Variants in PRKCB observed in about 807,000 individuals in gnomAD.
The protein encoded by PRKCB is protein kinase C beta, also known as protein kinase C beta type.
In PRKCB, 13 loss-of-function variants were observed where a neutral mutation model predicts 81.5. The ratio of observed to expected loss-of-function variants is 0.16; its 90% CI spans 0.10 to 0.25. The LOEUF is 0.25. PRKCB is among the 10% of genes least tolerant of loss of function. The pLI is 1.00. For missense variants in PRKCB, 509 were observed against 875.7 expected (o/e 0.58, Z 5.29); for synonymous variants, 335 against 321.4 (o/e 1.04, Z -0.45).
intron 10 of PRKCB, among the ~76,000 whole-genome samples, chr16:24,167,490 G>A (rs1399229123): frequency 6.6e-6 from 1 of 151,964 alleles, no homozygotes; most frequent in Non-Finnish European, 1.5e-5. Context: ...AGCCTGGGAG[G>A]TTGAGGCTGC....
At chr16:24,126,264 G>A (rs371485795) in intron 9 of PRKCB, among the ~76,000 whole-genome samples, 66 of 152,248 alleles carry the variant, frequency 4.3e-4, no homozygotes, top group South Asian at 2.7e-3. Flanking sequence ...GTCAAGATAC[G>A]TAAAATGTTA....
chr16:23,909,147 C>T (rs1298027092), intron 2 of PRKCB, among the ~76,000 whole-genome samples: 1 of 152,204 alleles, frequency 6.6e-6, no homozygotes, highest in Non-Finnish European at 1.5e-5. Flanking sequence ...GATTCGCTTC[C>T]TTGTTAGTAG....
chr16:23,960,913 A>G (rs530533282), intron 2 of PRKCB, among the ~76,000 whole-genome samples: 2 of 152,352 alleles, frequency 1.3e-5, no homozygotes, highest in South Asian at 2.1e-4. Flanking sequence ...ATTTGTCTTT[A>G]TCCTCCTTGT....
At chr16:24,147,316 A>AAAAC (rs1967007776) in intron 9 of PRKCB, among the ~76,000 whole-genome samples, 1 of 151,754 alleles carries the variant, frequency 6.6e-6, no homozygotes, top group African/African-American at 2.4e-5. Context: ...CAAAAAAAAA[A>AAAAC]AAAAAACTTC....
At chr16:24,146,054 G>T (rs557489829) in intron 9 of PRKCB, among the ~76,000 whole-genome samples, 1 of 152,296 alleles carries the variant, frequency 6.6e-6, no homozygotes, top group East Asian at 1.9e-4. Flanking sequence ...ACACAGGGAA[G>T]AATACCAGGG....
rs113583407 is a variant in PRKCB at position 24,202,069 on chromosome 16, G to A, written c.1863+10839G>A. Among the ~76,000 whole-genome samples, 1,278 of 151,680 alleles carry A rather than the reference G, an allele frequency of 8.4e-3. 24 individuals are homozygous for A. The highest frequency in any genetic ancestry group is 0.029 in the African/African-American group (1,217 of 41,374). On this transcript the variant is annotated intron_variant, in intron 16 of 16. Transcript: ENST00000643927. ...AAAAAAAGAAAAAAAGAAAAATAAA[G>A]CCACTGTCACTAGAAGAAAAGACAA...
In PRKCB at chr16:24,214,805, G is replaced by T; in HGVS notation, c.2011G>T (p.Val671Phe). ...TAACTCTGAATTTTTAAAACCCGAA[G>T]TCAAGAGCTAAGTAGATGTGTAGAT... ...FVNSEFLKPE[V>F]KS The change falls in exon 17 of 17, where the codon GTC (valine) becomes TTC (phenylalanine). Residue 671 changes from valine (V) to phenylalanine (F), a missense_variant. By Grantham distance (50) the Val-to-Phe change is conservative (BLOSUM62 -1). Coordinates refer to ENST00000643927, the MANE Select transcript of PRKCB (RefSeq NM_002738.7). 1 of 1,614,044 alleles carries T rather than the reference G, an allele frequency of 6.2e-7. No individual in the cohort carries two copies. The highest frequency in any genetic ancestry group is 2.2e-5 in the East Asian group (1 of 44,886).
chr16:24,090,854 G>A (rs1966367796), intron 5 of PRKCB, among the ~76,000 whole-genome samples: 1 of 152,142 alleles, frequency 6.6e-6, no homozygotes, highest in South Asian at 2.1e-4. Flanking sequence ...AGCAAAGGTT[G>A]CAGGAAATGA....
chr16:23,836,613 C>T (rs1046621050), intron 1 of PRKCB, among the ~76,000 whole-genome samples: 2 of 151,756 alleles, frequency 1.3e-5, no homozygotes, highest in African/African-American at 4.8e-5. Flanking sequence ...CGCCCAGGGG[C>T]GGCGTCGCGG....
intron 3 of PRKCB, among the ~76,000 whole-genome samples, chr16:24,026,330 A>G (rs956511823): frequency 6.6e-6 from 1 of 152,086 alleles, no homozygotes; most frequent in African/African-American, 2.4e-5. Context: ...CAAACACAGA[A>G]ATGTGTTTCC....
At chr16:23,994,389 C>A (rs963864357) in intron 3 of PRKCB, among the ~76,000 whole-genome samples, 3 of 152,230 alleles carry the variant, frequency 2.0e-5, no homozygotes, top group Non-Finnish European at 2.9e-5. Flanking sequence ...AATCCCCATA[C>A]TGGTTCTTTG....
At chr16:24,062,228 G>T (rs931385626) in intron 5 of PRKCB, among the ~76,000 whole-genome samples, 1 of 152,210 alleles carries the variant, frequency 6.6e-6, no homozygotes, top group East Asian at 1.9e-4. Flanking sequence ...CTTGTCTGGG[G>T]CTGGAGGGTC....
chr16:23,873,963 T>C (rs1476852049), intron 2 of PRKCB, among the ~76,000 whole-genome samples: 2 of 152,146 alleles, frequency 1.3e-5, no homozygotes, highest in Non-Finnish European at 2.9e-5. Flanking sequence ...TGTAAATCAC[T>C]CGGTCACTTC....
rs1460891920 is a variant in PRKCB, at chr16:24,096,662, AAAAAATATAT to A, written c.821+2367_821+2376del. On this transcript the variant is annotated intron_variant, in intron 7 of 16. Coordinates refer to ENST00000643927, the MANE Select transcript of PRKCB (RefSeq NM_002738.7). ...GCTCCCTTCCTATGGCAAAAAAAAA[AAAAAATATAT>A]ATATATATATATATATATATATATA... Among the ~76,000 whole-genome samples the A allele has an allele frequency of 1.6e-3, 65 of 40,444 alleles. 1 individual carries two copies. Among genetic ancestry groups the A allele is most frequent in the South Asian group, 4.5e-3 (4 of 890 alleles). The allele number at this position is 40,444 out of a possible 152,430, so 26.5% of individuals were successfully genotyped here.
chr16:23,875,480 G>GATATATATATATATATATAT (rs71381624), intron 2 of PRKCB, among the ~76,000 whole-genome samples: 90 of 4,584 alleles, frequency 0.02, 1 homozygote, highest in African/African-American at 0.035. Context: ...CAACTAAAAA[G>GATATATATATATATATATAT]ATATATATAT....
chr16:24,004,750 A>G (rs752853445), intron 3 of PRKCB, among the ~76,000 whole-genome samples: 4 of 152,206 alleles, frequency 2.6e-5, no homozygotes, highest in Non-Finnish European at 5.9e-5. Context: ...TATGTTTTCT[A>G]AAGAGCAAAT....
At chr16:24,113,093 TTC>T (rs770586011) in intron 8 of PRKCB, 24 bp downstream of exon 8, 2 of 1,567,108 alleles carry the variant, frequency 1.3e-6, no homozygotes, top group Non-Finnish European at 1.7e-6. Context: ...TCTTTTTCTC[TTC>T]TTTCTTTTTT....
At chr16:24,171,336 C>T (rs182576792) in intron 10 of PRKCB, among the ~76,000 whole-genome samples, 1 of 152,198 alleles carries the variant, frequency 6.6e-6, no homozygotes, top group African/African-American at 2.4e-5. Flanking sequence ...TCCCATAGTA[C>T]TGCTTGAGCA....
intron 2 of PRKCB, among the ~76,000 whole-genome samples, chr16:23,874,071 T>C (rs1962955921): frequency 6.6e-6 from 1 of 152,130 alleles, no homozygotes; most frequent in Non-Finnish European, 1.5e-5. Flanking sequence ...TTATAAAAAA[T>C]ACACACCTAC....
Sources: allele counts gnomAD v4.1 joint callset (sites outside exome capture counted in the v4.1 genomes callset), GRCh38; gene constraint gnomAD v4.1.1; transcripts MANE v1.5; gene names NCBI Gene and HGNC (gene_info 2026-07-23, HGNC 2026-07-21).